CDH18: variants seen among roughly 807,000 people sequenced by gnomAD.
CDH18 encodes cadherin 18, also known as cadherin-18.
A neutral mutation model predicts 67.9 loss-of-function variants in CDH18; 31 were observed. That is an observed-to-expected ratio of 0.46 (90% CI 0.34 to 0.62). The LOEUF (loss-of-function observed/expected upper bound fraction) is 0.62, where lower values mean the gene tolerates loss of function less well. Ranked by LOEUF, CDH18 falls within the 20% of genes least tolerant of loss-of-function variation. The pLI, the probability that CDH18 is intolerant of heterozygous loss-of-function variation, is 0.01. For missense variants in CDH18, 890 were observed against 975.5 expected (o/e 0.91, Z 1.17); for synonymous variants, 362 against 347.2 (o/e 1.04, Z -0.48).
At chr5:19,786,897 A>C (rs1426744049) in intron 3 of CDH18, among the ~76,000 whole-genome samples, 1 of 152,116 alleles carries the variant, frequency 6.6e-6, no homozygotes, top group Non-Finnish European at 1.5e-5. Flanking sequence ...ATTCTGTTCC[A>C]ACTGCCTCCA....
At chr5:19,773,613 G>C (rs1561271316) in intron 3 of CDH18, among the ~76,000 whole-genome samples, 1 of 152,126 alleles carries the variant, frequency 6.6e-6, no homozygotes, top group Non-Finnish European at 1.5e-5. Context: ...ATGGCAATTT[G>C]TTTACTATCT....
At chr5:20,471,832 C>T (rs1224436380) in intron 1 of CDH18, among the ~76,000 whole-genome samples, 5 of 14,874 alleles carry the variant, frequency 3.4e-4, no homozygotes, top group African/African-American at 6.2e-4. Flanking sequence ...GAGATTCAGT[C>T]TAAAAAAAAA....
intron 2 of CDH18, among the ~76,000 whole-genome samples, chr5:19,921,335 T>C (rs1052529800): frequency 1.3e-5 from 2 of 152,012 alleles, no homozygotes; most frequent in Non-Finnish European, 2.9e-5. Flanking sequence ...ATTGCGACTA[T>C]CCTGGCTAAC....
intron 1 of CDH18, among the ~76,000 whole-genome samples, chr5:20,314,548 G>T (rs1737286953): frequency 6.6e-6 from 1 of 152,014 alleles, no homozygotes; most frequent in African/African-American, 2.4e-5. Flanking sequence ...CTGTGGGTAT[G>T]CATCTAGGTT....
chr5:19,977,848 T>C (rs1022798031), intron 2 of CDH18, among the ~76,000 whole-genome samples: 14 of 152,148 alleles, frequency 9.2e-5, no homozygotes, highest in Non-Finnish European at 2.1e-4. Flanking sequence ...AGTCTCTTAG[T>C]TAAAAATTAG....
chr5:19,729,678 T>A (rs1767336447), intron 4 of CDH18, among the ~76,000 whole-genome samples: 1 of 152,200 alleles, frequency 6.6e-6, no homozygotes, highest in African/African-American at 2.4e-5. Flanking sequence ...ATCCAGGAAC[T>A]AACAACACTG....
At chr5:19,838,727 T>C in intron 3 of CDH18, 32 bp downstream of exon 3, 2 of 1,466,852 alleles carry the variant, frequency 1.4e-6, no homozygotes, top group Non-Finnish European at 1.9e-6. Flanking sequence ...TTTCTCAGGA[T>C]AGAAAAAACA....
At chr5:20,172,149 A>G (rs1166492223) in intron 2 of CDH18, among the ~76,000 whole-genome samples, 2 of 119,802 alleles carry the variant, frequency 1.7e-5, no homozygotes, top group Non-Finnish European at 3.5e-5. Context: ...CATAAGGTCA[A>G]TGAAGGAATT....
At chr5:19,542,608 A>C (rs1750449618) in intron 9 of CDH18, among the ~76,000 whole-genome samples, 2 of 152,240 alleles carry the variant, frequency 1.3e-5, no homozygotes, top group African/African-American at 4.8e-5. Context: ...GACACATACT[A>C]TAATATGCAT....
At chr5:20,328,469 C>G (rs1276002265) in intron 1 of CDH18, among the ~76,000 whole-genome samples, 1 of 103,382 alleles carries the variant, frequency 9.7e-6, no homozygotes, top group African/African-American at 3.7e-5. Flanking sequence ...GTTGGAGAAG[C>G]CATTTGTGTG....
At chr5:19,561,683 C>G (rs1739477364) in intron 8 of CDH18, among the ~76,000 whole-genome samples, 1 of 151,900 alleles carries the variant, frequency 6.6e-6, no homozygotes, top group African/African-American at 2.4e-5. Flanking sequence ...AAACAGAAAA[C>G]AAGTAGTTGT....
chr5:19,879,450 G>A (rs897775584), intron 2 of CDH18, among the ~76,000 whole-genome samples: 2 of 151,948 alleles, frequency 1.3e-5, no homozygotes, highest in African/African-American at 4.8e-5. Flanking sequence ...CTAGTTCACT[G>A]TTTAAATCTA....
rs190683381 is a variant in CDH18, at chr5:20,097,788, C to T, written c.-517-105774G>A. Among the ~76,000 whole-genome samples, 459 of 151,822 alleles carry T rather than the reference C, an allele frequency of 3.0e-3. 7 individuals are homozygous for T. Among genetic ancestry groups the T allele is most frequent in the African/African-American group, 0.011 (438 of 41,436 alleles). Reference sequence around the variant, plus strand: ...TTTTGCAAATTTTCTTGGTTGTATTCGATATCTATTTTTAGCATATATTTA... The same window carrying T: ...TTTTGCAAATTTTCTTGGTTGTATTTGATATCTATTTTTAGCATATATTTA... On this transcript the variant is annotated intron_variant, in intron 2 of 14. Coordinates refer to the CDH18 transcript ENST00000507958.
intron 1 of CDH18, among the ~76,000 whole-genome samples, chr5:20,376,058 C>T (rs1055509997): frequency 1.4e-5 from 2 of 141,930 alleles, no homozygotes; most frequent in Admixed American, 7.5e-5. Flanking sequence ...TAAAATCTAA[C>T]GGATCAAACA....
chr5:20,123,777 G>A (rs1180685194), intron 2 of CDH18, among the ~76,000 whole-genome samples: 1 of 151,384 alleles, frequency 6.6e-6, no homozygotes, highest in Non-Finnish European at 1.5e-5. Context: ...AGTCCCAGCT[G>A]CTCGGGAGGC....
chr5:19,686,077 T>A (rs1252180860), intron 5 of CDH18, among the ~76,000 whole-genome samples: 5 of 152,194 alleles, frequency 3.3e-5, no homozygotes, highest in Non-Finnish European at 7.3e-5. Context: ...ACTTGTAATA[T>A]GAATAAATTA....
chr5:19,570,801 G>A (rs1181210194), intron 8 of CDH18, among the ~76,000 whole-genome samples: 1 of 152,074 alleles, frequency 6.6e-6, no homozygotes, highest in Non-Finnish European at 1.5e-5. Context: ...ATTATTTAGC[G>A]AGCACTTATT....
At chr5:20,160,876 C>T (rs776604978) in intron 2 of CDH18, among the ~76,000 whole-genome samples, 2 of 152,240 alleles carry the variant, frequency 1.3e-5, no homozygotes, top group Middle Eastern at 3.4e-3. Context: ...CACATTGGTC[C>T]GCCAAGAATG....
chr5:20,218,720 C>T (rs577352279), intron 2 of CDH18, among the ~76,000 whole-genome samples: 1 of 152,046 alleles, frequency 6.6e-6, no homozygotes, highest in South Asian at 2.1e-4. Context: ...GTATCTTCCT[C>T]ATTTTGCTCT....
Sources: gnomAD v4.1 joint callset for allele counts (sites outside exome capture counted in the v4.1 genomes callset) on GRCh38, gnomAD v4.1.1 for gene constraint, MANE v1.5 for transcripts, NCBI Gene and HGNC (gene_info 2026-07-23, HGNC 2026-07-21) for gene names.